Variants in DNAJC11 observed in about 807,000 individuals in gnomAD.
DNAJC11 encodes the protein DnaJ heat shock protein family (Hsp40) member C11, also known as dnaJ homolog subfamily C member 11.
DNAJC11 carries 15 observed loss-of-function variants against 78.6 expected under a neutral mutation model. That is an observed-to-expected ratio of 0.19 (90% CI 0.13 to 0.29). The LOEUF is 0.29. DNAJC11 is among the 10% of genes least tolerant of loss of function. DNAJC11 has a pLI of 1.00. For missense variants in DNAJC11, 547 were observed against 709.6 expected (o/e 0.77, Z 2.60); for synonymous variants, 292 against 272.1 (o/e 1.07, Z -0.72).
intron 7 of DNAJC11, among the ~76,000 whole-genome samples, chr1:6,647,466 G>A (rs1216534424): frequency 6.6e-6 from 1 of 152,112 alleles, no homozygotes; most frequent in Non-Finnish European, 1.5e-5. Flanking sequence ...CTTGATCCAA[G>A]GATTAGAGGA....
At chr1:6,649,018 A>T (rs573956803) in intron 7 of DNAJC11, among the ~76,000 whole-genome samples, 2 of 149,554 alleles carry the variant, frequency 1.3e-5, no homozygotes, top group South Asian at 4.3e-4. Flanking sequence ...TCTCGGTGGC[A>T]GTCTTGCTCT....
At chr1:6,672,748 C>T (rs1292454423) in intron 3 of DNAJC11, among the ~76,000 whole-genome samples, 2 of 152,156 alleles carry the variant, frequency 1.3e-5, no homozygotes, top group Non-Finnish European at 2.9e-5. Context: ...AGCTGTGAGC[C>T]GCTCTTCTCC....
At chr1:6,697,679 T>C (rs1343444888) in intron 1 of DNAJC11, among the ~76,000 whole-genome samples, 3 of 152,090 alleles carry the variant, frequency 2.0e-5, no homozygotes, top group Non-Finnish European at 2.9e-5. Context: ...GGCCAGGGGG[T>C]TGAGGACCCC....
chr1:6,642,403 G>A (rs761647589), intron 10 of DNAJC11, among the ~76,000 whole-genome samples: 5 of 152,216 alleles, frequency 3.3e-5, no homozygotes, highest in Non-Finnish European at 7.3e-5. Flanking sequence ...GAAATGGCGA[G>A]ACTGGGGATA....
At chr1:6,678,127 T>C (rs892300888) in intron 3 of DNAJC11, among the ~76,000 whole-genome samples, 4 of 152,212 alleles carry the variant, frequency 2.6e-5, no homozygotes, top group Admixed American at 2.6e-4. Context: ...TAAAAATTAC[T>C]GGTTCGGTCC....
chr1:6,639,947 A>C lies in DNAJC11; in HGVS notation c.1208T>G (p.Met403Arg), dbSNP rs1208728623. The change falls in exon 11 of 16, where the codon ATG becomes AGG. Residue 403 changes from methionine (M) to arginine (R), a missense_variant. Met to Arg is a moderately conservative substitution (Grantham distance 91). Coordinates refer to ENST00000377577, the MANE Select transcript of DNAJC11 (RefSeq NM_018198.4). The stretch of plus-strand genomic sequence containing the variant: ...GTATGGTTTGATGATCAGACGGTGC[A>C]TGGCAAAGTAGACCACTAGAGGCCC... ...TVGPLVVYFA[M>R]HRLIIKPYLR... 3 of 1,613,724 alleles carry C rather than the reference A, an allele frequency of 1.9e-6. No homozygotes were observed. The highest frequency in any genetic ancestry group is 3.3e-5 in the Admixed American group (2 of 59,956).
At chr1:6,681,104 G>A (rs1642544571) in intron 1 of DNAJC11, 67 bp from the exon 2 acceptor site, 1 of 1,511,894 alleles carries the variant, frequency 6.6e-7, no homozygotes, top group Non-Finnish European at 9.0e-7. Context: ...ATCAGAATCA[G>A]CCTTGAAATG....
chr1:6,657,948 C>T (rs1642156506), intron 4 of DNAJC11, among the ~76,000 whole-genome samples: 1 of 151,712 alleles, frequency 6.6e-6, no homozygotes, highest in South Asian at 2.1e-4. Context: ...CCCAGCCAGA[C>T]TCTGGGATTT....
intron 1 of DNAJC11, among the ~76,000 whole-genome samples, chr1:6,689,432 G>A (rs889037880): frequency 1.3e-5 from 2 of 152,160 alleles, no homozygotes; most frequent in African/African-American, 4.8e-5. Flanking sequence ...GTCAGGCTTG[G>A]GGCAGAGGTG....
chr1:6,664,024 G>T (rs1349274292), intron 4 of DNAJC11, among the ~76,000 whole-genome samples: 1 of 152,174 alleles, frequency 6.6e-6, no homozygotes, highest in Non-Finnish European at 1.5e-5. Context: ...TCCTGCATGT[G>T]TGTGTGTGTG....
intron 14 of DNAJC11, 63 bp from the exon 15 acceptor site, chr1:6,636,309 C>T: frequency 1.3e-6 from 2 of 1,595,064 alleles, no homozygotes; most frequent in Middle Eastern, 1.7e-4. Flanking sequence ...CTCCTCCTCA[C>T]TACCACCGGA....
rs769763149 is a variant in DNAJC11 at position 6,634,699 on chromosome 1, A to G, written c.*976T>C. 4 of 1,365,484 alleles carry G rather than the reference A, an allele frequency of 2.9e-6. No individual in the cohort carries two copies. Among genetic ancestry groups the G allele is most frequent in the African/African-American group, 3.0e-5 (2 of 67,716 alleles). The allele number at this position is 1,365,484 out of a possible 1,614,324, so 84.6% of individuals were successfully genotyped here. A position where few individuals can be genotyped will look rare whatever the true frequency, so the allele number is the denominator to read the frequency against. On this transcript the variant is annotated 3_prime_UTR_variant, in exon 16 of 16. Transcript: ENST00000377577. ...GCATCCCAAGTGGGCACGTGGAGGAAGGGTCTGAAGGAAGGCTCCGGAGCA... is the reference window on the plus strand; with the variant it reads ...GCATCCCAAGTGGGCACGTGGAGGAGGGGTCTGAAGGAAGGCTCCGGAGCA...
intron 7 of DNAJC11, 150 bp downstream of exon 7, chr1:6,651,379 C>T: frequency 1.4e-6 from 1 of 701,622 alleles, no homozygotes; most frequent in Non-Finnish European, 2.5e-6. Context: ...GCCTGGGCTT[C>T]ACGCCAGTGC....
At chr1:6,700,785 T>C (rs1642912348) in intron 1 of DNAJC11, among the ~76,000 whole-genome samples, 1 of 152,206 alleles carries the variant, frequency 6.6e-6, no homozygotes, top group South Asian at 2.1e-4. Flanking sequence ...ATAGCCAAAC[T>C]TGGCTAGCTT....
intron 3 of DNAJC11, among the ~76,000 whole-genome samples, chr1:6,672,272 A>AT (rs969441845): frequency 6.6e-6 from 1 of 152,164 alleles, no homozygotes; most frequent in African/African-American, 2.4e-5. Flanking sequence ...ATACACTACT[A>AT]TTTTTTTCAG....
chr1:6,651,409 C>T lies in DNAJC11; in HGVS notation c.704+120G>A, dbSNP rs141136715. 424 of 847,842 alleles carry T rather than the reference C, an allele frequency of 5.0e-4. 1 individual carries two copies. The highest frequency in any genetic ancestry group is 9.0e-4 in the Middle Eastern group (4 of 4,424). The allele number at this position is 847,842 out of a possible 1,614,324, so 52.5% of individuals were successfully genotyped here. The stretch of plus-strand genomic sequence containing the variant: ...CAGTGCTATACCTGCCCTTGATGTA[C>T]GCAGTGACCTTGTAGGACAGACAAG... On this transcript the variant is annotated intron_variant, in intron 7 of 15. Coordinates refer to ENST00000377577, the MANE Select transcript of DNAJC11 (RefSeq NM_018198.4).
chr1:6,644,700 C>T (rs1287999757), intron 9 of DNAJC11, 26 bp from the exon 10 acceptor site: 1 of 1,585,462 alleles, frequency 6.3e-7, no homozygotes, highest in Non-Finnish European at 8.7e-7. Flanking sequence ...GCGGTCTGTG[C>T]CTGTGCCCCT....
At chr1:6,646,612 G>A (rs947247234) in intron 7 of DNAJC11, among the ~76,000 whole-genome samples, 1 of 152,160 alleles carries the variant, frequency 6.6e-6, no homozygotes, top group African/African-American at 2.4e-5. Flanking sequence ...GGGTACTAGT[G>A]ACAGAAACTA....
chr1:6,678,299 C>A, intron 3 of DNAJC11, 95 bp downstream of exon 3: 2 of 1,266,878 alleles, frequency 1.6e-6, no homozygotes, highest in Non-Finnish European at 1.2e-6. Context: ...TTCAAATATT[C>A]CCAAAGACAA....
Sources: allele counts gnomAD v4.1 joint callset (sites outside exome capture counted in the v4.1 genomes callset), GRCh38; gene constraint gnomAD v4.1.1; transcripts MANE v1.5; gene names NCBI Gene and HGNC (gene_info 2026-07-23, HGNC 2026-07-21).